SPMIP5: variants seen among roughly 807,000 people sequenced by gnomAD.
SPMIP5 encodes sperm microtubule inner protein 5, also known as sperm-associated microtubule inner protein 5.
chr10:116,664,070 G>C, the SPMIP5 span: 18,741 of 1,609,432 alleles, frequency 0.012, 163 homozygotes, highest in Non-Finnish European at 0.012. Flanking sequence ...GGAACCGTCC[G>C]TGTGAGTTGC....
chr10:116,668,913 C>T, the SPMIP5 span, among the ~76,000 whole-genome samples: 34 of 110,034 alleles, frequency 3.1e-4, no homozygotes, highest in South Asian at 3.1e-3. Flanking sequence ...AAGCCTCCCC[C>T]CACCCGCCGG....
the SPMIP5 span, chr10:116,664,951 T>G: frequency 4.4e-5 from 71 of 1,608,590 alleles, no homozygotes; most frequent in Admixed American, 4.9e-4. Context: ...TTGCATTCTG[T>G]AAAAAGACAC....
chr10:116,668,217 T>A, the SPMIP5 span: 2 of 1,579,046 alleles, frequency 1.3e-6, no homozygotes, highest in Admixed American at 1.7e-5. Flanking sequence ...AGGACCCGGG[T>A]TCCCCTGCCA....
the SPMIP5 span, chr10:116,668,390 T>G: frequency 7.7e-7 from 1 of 1,292,072 alleles, no homozygotes; most frequent in Non-Finnish European, 1.1e-6. Flanking sequence ...GAATTACTAT[T>G]GAGTGTGCAC....
chr10:116,666,455 ATTTT>A, the SPMIP5 span, among the ~76,000 whole-genome samples: 49 of 148,768 alleles, frequency 3.3e-4, 1 homozygote, highest in Non-Finnish European at 3.4e-4. Flanking sequence ...CAATAAAACC[ATTTT>A]TTTTTTTTTT....
the SPMIP5 span, chr10:116,663,926 C>A: frequency 2.0e-6 from 3 of 1,536,810 alleles, no homozygotes; most frequent in Non-Finnish European, 2.6e-6. Flanking sequence ...GCATACTTTG[C>A]GGAGGACAGT....
At chr10:116,667,382 A>G in the SPMIP5 span, among the ~76,000 whole-genome samples, 1 of 152,254 alleles carries the variant, frequency 6.6e-6, no homozygotes, top group Non-Finnish European at 1.5e-5. Flanking sequence ...GTTTGTGGTA[A>G]TTTGTTGCAG....
chr10:116,664,242 G>T, the SPMIP5 span: 1 of 1,609,638 alleles, frequency 6.2e-7, no homozygotes, highest in Non-Finnish European at 8.5e-7. Context: ...AGACGGAGCA[G>T]AAGTTTTTGT....
chr10:116,666,277 T>C, the SPMIP5 span, among the ~76,000 whole-genome samples: 1 of 152,146 alleles, frequency 6.6e-6, no homozygotes, highest in Non-Finnish European at 1.5e-5. Flanking sequence ...TTATTAAAAG[T>C]AGAGCCCTGT....
chr10:116,666,271 T>C, the SPMIP5 span, among the ~76,000 whole-genome samples: 3 of 152,182 alleles, frequency 2.0e-5, no homozygotes, highest in African/African-American at 7.2e-5. Context: ...GCAGGCTTAT[T>C]AAAAGTAGAG....
the SPMIP5 span, chr10:116,664,560 G>A: frequency 9.3e-7 from 1 of 1,071,076 alleles, no homozygotes; most frequent in Non-Finnish European, 1.3e-6. Flanking sequence ...GAGCTGCTGG[G>A]GAATGCTGAG....
At chr10:116,665,085 G>A in the SPMIP5 span, 105 of 1,434,910 alleles carry the variant, frequency 7.3e-5, no homozygotes, top group Non-Finnish European at 9.0e-5. Flanking sequence ...AACCAGGACT[G>A]TGCCCCCTCC....
the SPMIP5 span, chr10:116,665,111 T>C: frequency 2.2e-6 from 3 of 1,393,778 alleles, no homozygotes; most frequent in Non-Finnish European, 2.8e-6. Flanking sequence ...AAATGTTTCT[T>C]TCTGGCCAGC....
chr10:116,669,269 A>G, the SPMIP5 span, among the ~76,000 whole-genome samples: 1 of 152,140 alleles, frequency 6.6e-6, no homozygotes, highest in East Asian at 1.9e-4. Context: ...GGCCACAGTC[A>G]TGGCTTAGTC....
At chr10:116,663,769 C>T in the SPMIP5 span, 3 of 968,132 alleles carry the variant, frequency 3.1e-6, no homozygotes, top group Non-Finnish European at 2.9e-6. Flanking sequence ...AACCGTCAAC[C>T]ACTCAGGATG....
chr10:116,663,659 C>CCTGG, the SPMIP5 span: 1 of 451,662 alleles, frequency 2.2e-6, no homozygotes, highest in Non-Finnish European at 3.9e-6. Context: ...TCATGGTCAA[C>CCTGG]ATAACCTGGA....
the SPMIP5 span, chr10:116,663,595 C>T: frequency 4.0e-5 from 11 of 272,556 alleles, no homozygotes; most frequent in African/African-American, 2.2e-4. Context: ...GCTAGGTCTT[C>T]AGTGAAGATC....
chr10:116,665,850 A>T, the SPMIP5 span: 4 of 1,584,760 alleles, frequency 2.5e-6, no homozygotes, highest in South Asian at 1.1e-5. Flanking sequence ...ATGGAATCAC[A>T]GCCTTCAGCA....
At chr10:116,663,039 G>A in the SPMIP5 span, among the ~76,000 whole-genome samples, 25 of 152,134 alleles carry the variant, frequency 1.6e-4, no homozygotes, top group East Asian at 2.1e-3. Context: ...AAAATCAGCC[G>A]GGCGTGGTGG....
Sources: gnomAD v4.1 joint callset for allele counts (sites outside exome capture counted in the v4.1 genomes callset) on GRCh38, gnomAD v4.1.1 for gene constraint, MANE v1.5 for transcripts, NCBI Gene and HGNC (gene_info 2026-07-23, HGNC 2026-07-21) for gene names.